Variants in MMP2 observed in about 807,000 individuals in gnomAD.
The protein encoded by MMP2 is matrix metallopeptidase 2.
Under a neutral mutation model 74.8 loss-of-function variants are expected in MMP2, and 39 were observed. The observed-to-expected ratio is 0.52, with a 90% CI of 0.40 to 0.68. MMP2 has a LOEUF of 0.68. Ranked by LOEUF, MMP2 falls within the 30% of genes least tolerant of loss-of-function variation. The pLI is 0.00. For synonymous variants in MMP2, 367 were observed against 339.8 expected, an observed-to-expected ratio of 1.08 and a Z score of -0.88; for missense variants, 803 against 878.3, an observed-to-expected ratio of 0.91 and a Z score of 1.08.
intron 10 of MMP2, among the ~76,000 whole-genome samples, chr16:55,497,715 T>G (rs1364164788): frequency 6.6e-6 from 1 of 152,242 alleles, no homozygotes; most frequent in Admixed American, 6.5e-5. Flanking sequence ...TAACATTTAT[T>G]GGAGCATTTC....
rs1962350616 is a variant in MMP2, at chr16:55,489,657, C to T, written c.1013C>T (p.Ser338Phe). 1.2e-6 allele frequency: 2 copies of T among 1,614,170 alleles called. No individual in the cohort carries two copies. Among genetic ancestry groups the T allele is most frequent in the African/African-American group, 1.3e-5 (1 of 75,058 alleles). Residue 338 changes from serine (S) to phenylalanine (F), a missense_variant, in exon 7 of 13, where the codon TCC (serine) becomes TTC (phenylalanine). Transcript: ENST00000219070. ...KYGFCPETAM[S>F]TVGGNSEGAP... The stretch of plus-strand genomic sequence containing the variant: ...CGTATCCCTAACCCCACAGCCATGT[C>T]CACTGTTGGTGGGAACTCAGAAGGT...
intron 5 of MMP2, 38 bp from the exon 6 acceptor site, chr16:55,488,505 G>A (rs1486124951): frequency 6.9e-6 from 11 of 1,604,922 alleles, no homozygotes; most frequent in Non-Finnish European, 8.5e-6. Flanking sequence ...ATGGAAGCAT[G>A]TCTCATTCAC....
chr16:55,498,512 G>A, intron 11 of MMP2, 64 bp downstream of exon 11: 1 of 1,610,018 alleles, frequency 6.2e-7, no homozygotes. Flanking sequence ...AAGCCGCCCT[G>A]AGGCTTCAAG....
intron 1 of MMP2, chr16:55,480,168 G>A: frequency 6.5e-6 from 1 of 153,736 alleles, no homozygotes; most frequent in Non-Finnish European, 1.4e-5. Context: ...ATGGGAGGGA[G>A]CTTGGTCAAA....
At chr16:55,497,117 G>A (rs1360771453) in intron 10 of MMP2, 55 bp downstream of exon 10, 6 of 1,611,616 alleles carry the variant, frequency 3.7e-6, no homozygotes, top group African/African-American at 1.3e-5. Context: ...CTGCACCAGG[G>A]CTCCTGGGTG....
chr16:55,506,539 C>T lies in MMP2; in HGVS notation c.*1097C>T, dbSNP rs191126061. 6.6e-6 allele frequency: 1 copy of T among 152,342 alleles called. No homozygotes were observed. The highest frequency in any genetic ancestry group is 2.4e-5 in the African/African-American group (1 of 41,576). The allele number at this position is 152,342 out of a possible 1,614,324, so 9.4% of individuals were successfully genotyped here. A position where few individuals can be genotyped will look rare whatever the true frequency, so the allele number is the denominator to read the frequency against. On this transcript the variant is annotated 3_prime_UTR_variant, in exon 13 of 13. Transcript: ENST00000219070. ...ATTAGCAATCATATCAGTTTTAATG[C>T]TACTACTAACAATGAACAGTAACAA... is the stretch of plus-strand genomic sequence containing the variant.
intron 11 of MMP2, 145 bp downstream of exon 11, chr16:55,498,593 C>A: frequency 2.0e-6 from 2 of 1,004,150 alleles, no homozygotes; most frequent in Admixed American, 3.9e-5. Context: ...TCTTTGGTCT[C>A]TGGCACCTCT....
chr16:55,501,007 C>T (rs972515495), intron 11 of MMP2, among the ~76,000 whole-genome samples: 1 of 152,236 alleles, frequency 6.6e-6, no homozygotes, highest in African/African-American at 2.4e-5. Context: ...TCATCACACC[C>T]TGCCCTCATG....
At chr16:55,491,306 G>C (rs985541871) in intron 7 of MMP2, among the ~76,000 whole-genome samples, 26 of 152,104 alleles carry the variant, frequency 1.7e-4, no homozygotes, top group Non-Finnish European at 3.4e-4. Context: ...GGCTCAGCCT[G>C]TGCAACCACG....
rs545385578 is a variant in MMP2, at chr16:55,488,596, C to T, written c.886C>T (p.Arg296Cys). The change falls in exon 6 of 13, where the codon CGC becomes TGC. Residue 296 changes from arginine to cysteine, a missense_variant. Physicochemically the swap from Arg to Cys is radical, Grantham distance 180. Around this residue, in one of 3 missense-constraint regions of MMP2, gnomAD observed 555 missense variants for 592.0 expected, o/e 0.94. Transcript: ENST00000219070. ...AEGQPCKFPF[R>C]FQGTSYDSCT... ...AGGACAGCCCTGCAAGTTTCCATTCCGCTTCCAGGGCACATCCTATGACAG... is the reference window on the plus strand; with the variant it reads ...AGGACAGCCCTGCAAGTTTCCATTCTGCTTCCAGGGCACATCCTATGACAG... The T allele has an allele frequency of 1.9e-5, 30 of 1,613,946 alleles. No homozygotes were observed. The highest frequency in any genetic ancestry group is 6.7e-5 in the Admixed American group (4 of 60,008).
chr16:55,496,195 G>A (rs570602526), intron 9 of MMP2, among the ~76,000 whole-genome samples: 18 of 152,198 alleles, frequency 1.2e-4, no homozygotes, highest in Non-Finnish European at 1.9e-4. Context: ...CATTTCTAAT[G>A]AGTTCTCAGG....
At chr16:55,500,948 C>T (rs532998004) in intron 11 of MMP2, among the ~76,000 whole-genome samples, 1 of 152,346 alleles carries the variant, frequency 6.6e-6, no homozygotes, top group East Asian at 1.9e-4. Context: ...TCCACATCTG[C>T]TGTGTGCCAG....
At chr16:55,485,163 C>A (rs1322301216) in intron 3 of MMP2, 136 bp from the exon 4 acceptor site, 7 of 1,248,908 alleles carry the variant, frequency 5.6e-6, no homozygotes, top group African/African-American at 1.5e-5. Flanking sequence ...TGTTGACAGT[C>A]CTGGATAACC....
intron 5 of MMP2, 50 bp from the exon 6 acceptor site, chr16:55,488,493 C>G: frequency 6.3e-7 from 1 of 1,586,000 alleles, no homozygotes; most frequent in Non-Finnish European, 8.6e-7. Context: ...AGCCCTGTGC[C>G]CATGGAAGCA....
chr16:55,488,796 C>A, intron 6 of MMP2, 80 bp downstream of exon 6: 1 of 1,436,620 alleles, frequency 7.0e-7, no homozygotes, highest in Non-Finnish European at 9.5e-7. Context: ...ACTCCGAGTG[C>A]CCACCTCCTT....
intron 11 of MMP2, among the ~76,000 whole-genome samples, chr16:55,499,407 T>C (rs1336604995): frequency 6.6e-6 from 1 of 152,150 alleles, no homozygotes; most frequent in African/African-American, 2.4e-5. Flanking sequence ...CAGTCATCCA[T>C]AGAAGCCAGC....
chr16:55,496,936 C>A lies in MMP2; in HGVS notation c.1483C>A (p.Arg495=), dbSNP rs141033596. The change falls in exon 10 of 13, where the codon CGG becomes AGG. Residue 495 remains arginine, a synonymous_variant. Transcript: ENST00000219070. The part of the protein sequence containing the change: ...IFFFKDRFIW[R]TVTPRDKPMG... ...CTTGCCTCCTGCCAGGTTCATTTGG[C>A]GGACTGTGACGCCACGTGACAAGCC... The A allele has an allele frequency of 6.2e-6, 10 of 1,613,960 alleles. No individual in the cohort carries two copies. The highest frequency in any genetic ancestry group is 1.7e-6 in the Non-Finnish European group (2 of 1,180,028).
intron 3 of MMP2, among the ~76,000 whole-genome samples, chr16:55,484,898 T>C (rs1211089914): frequency 6.6e-6 from 1 of 152,108 alleles, no homozygotes; most frequent in Non-Finnish European, 1.5e-5. Flanking sequence ...ATATTGGTGA[T>C]AGTGTGACAT....
At chr16:55,499,525 C>G (rs1357904377) in intron 11 of MMP2, among the ~76,000 whole-genome samples, 2 of 152,266 alleles carry the variant, frequency 1.3e-5, no homozygotes, top group Non-Finnish European at 2.9e-5. Flanking sequence ...GCAGATGGTT[C>G]TGTGCTCCAG....
Sources: gnomAD v4.1 joint callset for allele counts (sites outside exome capture counted in the v4.1 genomes callset) on GRCh38, gnomAD v4.1.1 for gene constraint, gnomAD v4.1.1 regional missense constraint, MANE v1.5 for transcripts, NCBI Gene and HGNC (gene_info 2026-07-23, HGNC 2026-07-21) for gene names.